The following DDX60L variants were observed in gnomAD, a reference collection of about 807,000 sequenced individuals.
DDX60L encodes probable ATP-dependent RNA helicase DDX60-like.
DDX60L carries 191 observed loss-of-function variants against 211.6 expected under a neutral mutation model. That is an observed-to-expected ratio of 0.90 (90% confidence interval 0.80 to 1.02). The LOEUF (loss-of-function observed/expected upper bound fraction) is 1.02, where lower values mean the gene tolerates loss of function less well. Ranked by LOEUF, DDX60L falls within the 50% of genes least tolerant of loss-of-function variation. The pLI is 0.00. For synonymous variants in DDX60L, 706 were observed against 694.1 expected (o/e 1.02, Z -0.27); for missense variants, 2,007 against 1,984.1 (o/e 1.01, Z -0.22).
At chr4:168,419,273 A>T (rs1334662804) in intron 19 of DDX60L, 29 bp downstream of exon 19, 1 of 1,505,272 alleles carries the variant, frequency 6.6e-7, no homozygotes, top group Non-Finnish European at 9.1e-7. Flanking sequence ...AGACTAGAAC[A>T]TCAACCAGAG....
intron 22 of DDX60L, among the ~76,000 whole-genome samples, chr4:168,412,165 T>C (rs578089043): frequency 1.1e-4 from 16 of 151,724 alleles, no homozygotes; most frequent in Admixed American, 3.3e-4. Context: ...TTCCTAGCTG[T>C]GGTGGCTATG....
In DDX60L at chr4:168,396,081, T is replaced by G; in HGVS notation, c.3535A>C (p.Lys1179Gln). The change falls in exon 27 of 38, where the codon AAA becomes CAA. Residue 1179 changes from lysine to glutamine, a missense_variant. Transcript: ENST00000682922. ...PKKAEKLERK[K>Q]VYRAEYINFL... ...TTAATATATTCAGCTCTATACACTT[T>G]TTTTCTTTCCAGTTTTTCAGCCTTC... 1 of 1,575,782 alleles carries G rather than the reference T, an allele frequency of 6.3e-7. No homozygotes were observed. The highest frequency in any genetic ancestry group is 8.6e-7 in the Non-Finnish European group (1 of 1,163,294).
At chr4:168,449,028 T>C (rs1274091673) in intron 8 of DDX60L, among the ~76,000 whole-genome samples, 1 of 152,198 alleles carries the variant, frequency 6.6e-6, no homozygotes, top group Non-Finnish European at 1.5e-5. Context: ...GCTGTTCCCT[T>C]AATGTGGTAC....
intron 9 of DDX60L, among the ~76,000 whole-genome samples, chr4:168,443,252 C>T (rs1384942942): frequency 2.6e-5 from 4 of 152,034 alleles, no homozygotes; most frequent in East Asian, 1.9e-4. Flanking sequence ...GGAGCCGATG[C>T]GATCAACTGG....
intron 29 of DDX60L, among the ~76,000 whole-genome samples, chr4:168,386,382 T>C (rs549388374): frequency 1.3e-5 from 2 of 152,264 alleles, no homozygotes; most frequent in African/African-American, 4.8e-5. Context: ...AGACAACATT[T>C]TGAAAGGCTT....
chr4:168,366,773 A>C (rs1483050413), intron 36 of DDX60L, among the ~76,000 whole-genome samples: 4 of 152,132 alleles, frequency 2.6e-5, no homozygotes, highest in African/African-American at 9.6e-5. Context: ...TGATTCCATC[A>C]TAAAAACCAC....
chr4:168,388,841 G>C (rs952887219), intron 29 of DDX60L, among the ~76,000 whole-genome samples: 2 of 152,170 alleles, frequency 1.3e-5, no homozygotes, highest in African/African-American at 4.8e-5. Flanking sequence ...TTTGAATGTA[G>C]GCAGAATCAA....
chr4:168,422,047 T>G, intron 16 of DDX60L, 138 bp from the exon 17 acceptor site: 1 of 1,038,774 alleles, frequency 9.6e-7, no homozygotes, highest in Non-Finnish European at 1.4e-6. Context: ...CCCTGAAGAT[T>G]AGGTCTGGTG....
At chr4:168,461,099 C>T (rs1757267015) in intron 5 of DDX60L, among the ~76,000 whole-genome samples, 1 of 152,190 alleles carries the variant, frequency 6.6e-6, no homozygotes, top group African/African-American at 2.4e-5. Flanking sequence ...TATCTAGCCC[C>T]TCTTACTCTC....
chr4:168,457,416 G>A (rs191540938), intron 6 of DDX60L, among the ~76,000 whole-genome samples: 1 of 146,716 alleles, frequency 6.8e-6, no homozygotes, highest in Non-Finnish European at 1.5e-5. Flanking sequence ...ACTTTCTTAT[G>A]CAACCACCTT....
chr4:168,361,206 C>T lies in DDX60L; in HGVS notation c.4934G>A (p.Arg1645His), dbSNP rs764971648. Residue 1645 changes from arginine to histidine, a missense_variant, in exon 37 of 38, where the codon CGT becomes CAT. Physicochemically the swap from Arg to His is conservative, Grantham distance 29 (BLOSUM62 0). Transcript: ENST00000682922. The part of the protein sequence containing the change: ...LTRLDQKNGM[R>H]MGQLLKCLKD... ...CAAACACTTTAAAAGCTGTCCCATA[C>T]GCATCCTAAAGAGAACAACATTTCT... 43 of 1,581,780 alleles carry T rather than the reference C, an allele frequency of 2.7e-5. No homozygotes were observed. The Middle Eastern group carries it at 6.7e-4, about 25-fold the overall frequency.
intron 33 of DDX60L, among the ~76,000 whole-genome samples, chr4:168,376,206 G>C (rs957709434): frequency 4.0e-5 from 6 of 151,892 alleles, no homozygotes; most frequent in African/African-American, 1.5e-4. Flanking sequence ...TACAATTATG[G>C]GTTTTATTAT....
Position 168,379,397 on chromosome 4 carries a change from GC to G in DDX60L, c.4328del (p.Gly1443AlafsTer21), listed in dbSNP as rs1282934278. 1 of 1,599,720 alleles carries G rather than the reference GC, an allele frequency of 6.3e-7. No individual in the cohort carries two copies. The highest frequency in any genetic ancestry group is 8.5e-7 in the Non-Finnish European group (1 of 1,175,712). Reference sequence around the variant, plus strand: ...CTGGCTTACAGAGATTATGGAAAAGGCCTCTCTTGAGAAAATTTACAAAAAC... The same window carrying G: ...CTGGCTTACAGAGATTATGGAAAAGGCTCTCTTGAGAAAATTTACAAAAAC... ...NLVFVNFLKR[G>X]LFHNLCKPAW... On this transcript the variant is annotated frameshift_variant, in exon 32 of 38. Coordinates refer to ENST00000682922, the MANE Select transcript of DDX60L (RefSeq NM_001012967.3). LOFTEE classifies it high-confidence loss of function.
At chr4:168,371,582 T>G in intron 36 of DDX60L, 30 bp downstream of exon 36, 1 of 1,374,414 alleles carries the variant, frequency 7.3e-7, no homozygotes, top group Admixed American at 2.0e-5. Flanking sequence ...TGTATGTATA[T>G]ATTTTACAGA....
intron 10 of DDX60L, among the ~76,000 whole-genome samples, chr4:168,436,547 G>C (rs575928862): frequency 4.5e-4 from 69 of 152,256 alleles, no homozygotes; most frequent in African/African-American, 1.6e-3. Context: ...TACAGTGTGA[G>C]CTAGGTGGAA....
intron 34 of DDX60L, among the ~76,000 whole-genome samples, chr4:168,375,142 C>T (rs559785940): frequency 7.9e-5 from 12 of 152,148 alleles, no homozygotes; most frequent in African/African-American, 2.9e-4. Context: ...TTTTTTTCCT[C>T]CATTGCCCAA....
intron 7 of DDX60L, among the ~76,000 whole-genome samples, chr4:168,453,813 A>G (rs1756144316): frequency 6.6e-6 from 1 of 152,224 alleles, no homozygotes; most frequent in Non-Finnish European, 1.5e-5. Context: ...ATCTTCATAG[A>G]GCAAAATTAG....
intron 11 of DDX60L, 136 bp from the exon 12 acceptor site, chr4:168,432,706 G>A (rs1752531007): frequency 3.9e-6 from 2 of 516,486 alleles, no homozygotes; most frequent in Admixed American, 3.9e-5. Flanking sequence ...AAACCTCAGA[G>A]ACATAAAAAC....
Position 168,430,601 on chromosome 4 carries a change from T to C in DDX60L, c.1554A>G (p.Lys518=), listed in dbSNP as rs1313454554. The stretch of plus-strand genomic sequence containing the variant: ...AAAATTGCTGATAATCCTGAATCTT[T>C]TTCAGGAAATCAAGAACATGAGGAT... ...SRDPHVLDFL[K]KIQDYQQFYG... Residue 518 remains lysine, a synonymous_variant, in exon 13 of 38, where the codon AAA becomes AAG. Transcript: ENST00000682922. 4 of 1,581,354 alleles carry C rather than the reference T, an allele frequency of 2.5e-6. No homozygotes were observed. The highest frequency in any genetic ancestry group is 3.4e-6 in the Non-Finnish European group (4 of 1,163,280).
Sources: allele counts gnomAD v4.1 joint callset (sites outside exome capture counted in the v4.1 genomes callset), GRCh38; gene constraint gnomAD v4.1.1; transcripts MANE v1.5; gene names NCBI Gene and HGNC (gene_info 2026-07-23, HGNC 2026-07-21).